Variants in RNF13 observed in about 807,000 individuals in gnomAD.
RNF13 encodes the protein E3 ubiquitin-protein ligase RNF13.
A neutral mutation model predicts 37.7 loss-of-function variants in RNF13; 19 were observed. The observed-to-expected ratio is 0.50, with a 90% CI of 0.35 to 0.74. The LOEUF (loss-of-function observed/expected upper bound fraction) is 0.74. Ranked by LOEUF, RNF13 falls within the 30% of genes least tolerant of loss-of-function variation. The pLI is 0.01. For missense variants in RNF13, 375 were observed against 453.0 expected (o/e 0.83, Z 1.56); for synonymous variants, 144 against 157.8 (o/e 0.91, Z 0.65).
chr3:149,902,747 T>C lies in RNF13; in HGVS notation c.500+585T>C, dbSNP rs1271977988. Among the ~76,000 whole-genome samples, 4 of 152,192 alleles carry C rather than the reference T, an allele frequency of 2.6e-5. No individual in the cohort carries two copies. In the East Asian group the frequency reaches 7.7e-4, roughly 29 times the overall value. On this transcript the variant is annotated intron_variant, in intron 6 of 9. Coordinates refer to ENST00000392894, the MANE Select transcript of RNF13 (RefSeq NM_183381.3). ...ATAGAAAACAGAGAAAACGGTACAATAAACACTTCAGAACTTCTTCCATGA... is the reference window on the plus strand; with the variant it reads ...ATAGAAAACAGAGAAAACGGTACAACAAACACTTCAGAACTTCTTCCATGA...
intron 1 of RNF13, among the ~76,000 whole-genome samples, chr3:149,833,969 A>G (rs1159315473): frequency 6.6e-6 from 1 of 152,212 alleles, no homozygotes; most frequent in Non-Finnish European, 1.5e-5. Flanking sequence ...GCATTCCTAT[A>G]AAGTAACAGC....
At chr3:149,908,061 G>A in intron 6 of RNF13, among the ~76,000 whole-genome samples, 1 of 152,198 alleles carries the variant, frequency 6.6e-6, no homozygotes, top group East Asian at 1.9e-4. Context: ...AAGAAAATGA[G>A]TTGGTCCGAT....
chr3:149,877,013 C>A (rs989010236), intron 4 of RNF13, among the ~76,000 whole-genome samples: 4 of 152,020 alleles, frequency 2.6e-5, no homozygotes, highest in African/African-American at 4.8e-5. Flanking sequence ...CTCCTGGCCT[C>A]AGGTGATCCA....
intron 4 of RNF13, among the ~76,000 whole-genome samples, chr3:149,877,732 A>G (rs1427977203): frequency 4.6e-5 from 7 of 152,158 alleles, no homozygotes; most frequent in Non-Finnish European, 1.0e-4. Flanking sequence ...ATATATTTCT[A>G]TAAAGTGATG....
chr3:149,872,526 T>C (rs1426557986), intron 4 of RNF13, among the ~76,000 whole-genome samples: 1 of 152,200 alleles, frequency 6.6e-6, no homozygotes, highest in Non-Finnish European at 1.5e-5. Flanking sequence ...GTGTAAAGTT[T>C]TTTCTCTCTG....
chr3:149,880,556 T>TTAAA (rs1422818099), intron 4 of RNF13, among the ~76,000 whole-genome samples: 1 of 152,184 alleles, frequency 6.6e-6, no homozygotes, highest in African/African-American at 2.4e-5. Flanking sequence ...AAGTTTTAAC[T>TTAAA]TATAGCAAGC....
chr3:149,817,869 T>C (rs1719622712), intron 1 of RNF13, among the ~76,000 whole-genome samples: 6 of 152,024 alleles, frequency 3.9e-5, no homozygotes, highest in Admixed American at 3.9e-4. Context: ...CAGAACCTAT[T>C]ATAAGAAAAA....
At chr3:149,887,936 C>T (rs572303228) in intron 4 of RNF13, among the ~76,000 whole-genome samples, 1 of 152,280 alleles carries the variant, frequency 6.6e-6, no homozygotes, top group Non-Finnish European at 1.5e-5. Flanking sequence ...CAAGTTCATA[C>T]TTGAACATGA....
intron 8 of RNF13, among the ~76,000 whole-genome samples, chr3:149,955,606 G>GA (rs1416895913): frequency 2.6e-5 from 4 of 151,848 alleles, no homozygotes; most frequent in Non-Finnish European, 4.4e-5. Context: ...TCAGTACTAA[G>GA]AAAAAAAAGC....
intron 8 of RNF13, among the ~76,000 whole-genome samples, chr3:149,937,732 G>C (rs189501898): frequency 2.6e-5 from 4 of 152,076 alleles, no homozygotes; most frequent in African/African-American, 9.7e-5. Flanking sequence ...GAATTTGCCA[G>C]CTATCTGTAT....
At chr3:149,882,373 A>G (rs1454746760) in intron 4 of RNF13, among the ~76,000 whole-genome samples, 1 of 152,212 alleles carries the variant, frequency 6.6e-6, no homozygotes, top group Non-Finnish European at 1.5e-5. Flanking sequence ...AGGGCTGGAT[A>G]ATCAGTTACC....
At chr3:149,906,558 CATAA>C (rs1716418435) in intron 6 of RNF13, among the ~76,000 whole-genome samples, 2 of 148,046 alleles carry the variant, frequency 1.4e-5, no homozygotes, top group South Asian at 4.4e-4. Flanking sequence ...ACATTATATT[CATAA>C]ATTAATTTAG....
At position 149,915,965 on chromosome 3, in the gene RNF13, A is replaced by G. The variant is rs7651307; in HGVS notation, c.606+3882A>G. 4.1e-3 allele frequency among the ~76,000 whole-genome samples: 632 copies of G among 152,302 alleles called. 1 individual carries two copies. The highest frequency in any genetic ancestry group is 0.015 in the African/African-American group (611 of 41,554). ...ATGTACTTAAGCCATCGAACTGTAC[A>G]CTTAAACGTGGTTGAGATAGTAAGG... On this transcript the variant is annotated intron_variant, in intron 7 of 9. Transcript: ENST00000392894.
rs1467450547 is a variant in RNF13 at position 149,860,300 on chromosome 3, T to TATATATATATATAA, written c.195+7705_195+7706insTATATATATATAAA. The stretch of plus-strand genomic sequence containing the variant: ...ATATATATATATATATATATATATA[T>TATATATATATATAA]AACGTGTATATATAATGTATTTATA... On this transcript the variant is annotated intron_variant, in intron 3 of 9. Transcript: ENST00000392894. 4.3e-3 allele frequency among the ~76,000 whole-genome samples: 554 copies of TATATATATATATAA among 128,114 alleles called. 5 individuals are homozygous for TATATATATATATAA. Among genetic ancestry groups the TATATATATATATAA allele is most frequent in the Non-Finnish European group, 5.5e-3 (329 of 60,292 alleles). 84.0% of individuals were successfully genotyped at this position (128,114 alleles called of 152,430 possible).
chr3:149,831,425 A>T (rs1721039914), intron 1 of RNF13, among the ~76,000 whole-genome samples: 2 of 152,138 alleles, frequency 1.3e-5, no homozygotes, highest in Admixed American at 6.5e-5. Context: ...GTCAAAGGAG[A>T]TCATTTTGGA....
chr3:149,863,378 G>T lies in RNF13; in HGVS notation c.196-8651G>T, dbSNP rs145103079. ...TTACCAAAGAATTCCTCTTAGTCTTGATTCTTTTTTTTATTTTTTAAGATG... is the reference window on the plus strand; with the variant it reads ...TTACCAAAGAATTCCTCTTAGTCTTTATTCTTTTTTTTATTTTTTAAGATG... On this transcript the variant is annotated intron_variant, in intron 3 of 9. Transcript: ENST00000392894. Among the ~76,000 whole-genome samples the T allele has an allele frequency of 3.2e-3, 491 of 152,140 alleles. 1 individual carries two copies. Among genetic ancestry groups the T allele is most frequent in the Non-Finnish European group, 5.8e-3 (396 of 67,946 alleles).
At chr3:149,913,893 T>C (rs1036257680) in intron 7 of RNF13, among the ~76,000 whole-genome samples, 4 of 152,218 alleles carry the variant, frequency 2.6e-5, no homozygotes, top group Admixed American at 2.6e-4. Flanking sequence ...TTTTCCTTTT[T>C]CTACTCTTTT....
At chr3:149,861,325 C>T (rs114425897) in intron 3 of RNF13, among the ~76,000 whole-genome samples, 2,764 of 152,210 alleles carry the variant, frequency 0.018, 32 homozygotes, top group Middle Eastern at 0.044. Flanking sequence ...GGGATACCTG[C>T]ACTTGCATGT....
intron 8 of RNF13, among the ~76,000 whole-genome samples, chr3:149,930,890 G>A (rs1719093724): frequency 1.3e-5 from 2 of 152,094 alleles, no homozygotes; most frequent in Non-Finnish European, 2.9e-5. Flanking sequence ...ATATTCATAG[G>A]ATTAATAGTG....
Sources: gnomAD v4.1 joint callset for allele counts (sites outside exome capture counted in the v4.1 genomes callset) on GRCh38, gnomAD v4.1.1 for gene constraint, MANE v1.5 for transcripts, NCBI Gene and HGNC (gene_info 2026-07-23, HGNC 2026-07-21) for gene names.